Variants in NLRC5 observed in about 807,000 individuals in gnomAD.
NLRC5 encodes the protein NLR family CARD domain containing 5, also known as protein NLRC5.
A neutral mutation model predicts 206.9 loss-of-function variants in NLRC5; 114 were observed. The observed-to-expected ratio is 0.55, with a 90% CI of 0.47 to 0.64. NLRC5 has a LOEUF of 0.64. Ranked by LOEUF, NLRC5 falls within the 30% of genes least tolerant of loss-of-function variation. The pLI, the probability that NLRC5 is intolerant of heterozygous loss-of-function variation, is 0.00. For synonymous variants in NLRC5, 952 were observed against 962.8 expected (o/e 0.99, Z 0.21); for missense variants, 2,008 against 2,305.5 (o/e 0.87, Z 2.64).
In NLRC5 at chr16:57,037,317, C is replaced by G. The variant is rs758847447; in HGVS notation, c.2801+33C>G. The G allele has an allele frequency of 3.2e-5, 49 of 1,534,834 alleles. No homozygotes were observed. The South Asian group carries it at 5.3e-4, about 16-fold the overall frequency. On this transcript the variant is annotated intron_variant, in intron 15 of 48. Transcript: ENST00000688547. ...CTCCCTCAGACCACGGTACCCATCC[C>G]CCCCCCCATCATGCTCTCTCTGAAG...
intron 20 of NLRC5, chr16:57,045,155 C>T (rs996052876): frequency 5.4e-5 from 20 of 368,934 alleles, no homozygotes; most frequent in African/African-American, 4.0e-4. Context: ...TGCAGTGAGC[C>T]ATGACTGCAC....
intron 18 of NLRC5, 94 bp downstream of exon 18, chr16:57,041,668 C>A: frequency 1.0e-6 from 1 of 991,074 alleles, no homozygotes; most frequent in Non-Finnish European, 1.6e-6. Context: ...TTTAGATCAA[C>A]TGTTCTTTCC....
intron 1 of NLRC5, among the ~76,000 whole-genome samples, chr16:57,006,281 G>C (rs776674901): frequency 3.3e-5 from 5 of 151,964 alleles, no homozygotes; most frequent in Admixed American, 6.6e-5. Context: ...TTACAGGCAT[G>C]AGCCACCATA....
chr16:57,022,216 G>C (rs376012260), intron 3 of NLRC5, 40 bp from the exon 4 acceptor site: 1 of 1,569,368 alleles, frequency 6.4e-7, no homozygotes, highest in South Asian at 1.1e-5. Flanking sequence ...AGCATCCCTC[G>C]ACAGCCCCAT....
At chr16:56,991,852 CA>C in intron 1 of NLRC5, 1 of 152,228 alleles carries the variant, frequency 6.6e-6, no homozygotes, top group East Asian at 1.9e-4. Flanking sequence ...TGTGCCTCCC[CA>C]CAAAAGATAT....
intron 27 of NLRC5, 73 bp downstream of exon 27, chr16:57,055,592 G>A: frequency 4.1e-6 from 5 of 1,222,008 alleles, no homozygotes; most frequent in Non-Finnish European, 6.0e-6. Flanking sequence ...GGGTATGAGG[G>A]TCCGTGTGTG....
At position 57,027,153 on chromosome 16, in the gene NLRC5, G is replaced by A. The variant is rs141110269; in HGVS notation, c.2075+135G>A. 5.6e-6 allele frequency: 6 copies of A among 1,075,054 alleles called. No individual in the cohort carries two copies. The South Asian group carries it at 8.2e-5, about 15-fold the overall frequency. 66.6% of individuals were successfully genotyped at this position (1,075,054 alleles called of 1,614,324 possible). The stretch of plus-strand genomic sequence containing the variant: ...CAGAACATAATGGCCTGCAATGCAA[G>A]AGAGGAAGCTCCATACCTTGACAGG... On this transcript the variant is annotated intron_variant, in intron 6 of 48. Coordinates refer to ENST00000688547, the MANE Select transcript of NLRC5 (RefSeq NM_001384950.1).
intron 38 of NLRC5, among the ~76,000 whole-genome samples, chr16:57,072,014 G>A (rs1453690938): frequency 6.6e-6 from 1 of 152,078 alleles, no homozygotes; most frequent in Non-Finnish European, 1.5e-5. Flanking sequence ...AAGAACCTTG[G>A]TCATAGGAAA....
At chr16:57,043,724 C>A in intron 20 of NLRC5, 120 bp downstream of exon 20, 1 of 788,744 alleles carries the variant, frequency 1.3e-6, no homozygotes, top group Non-Finnish European at 2.3e-6. Context: ...GCACCTTGGG[C>A]AGTACCAGAT....
At chr16:57,074,818 C>T (rs2068160604) in intron 39 of NLRC5, 135 bp downstream of exon 39, 1 of 808,096 alleles carries the variant, frequency 1.2e-6, no homozygotes, top group Admixed American at 2.0e-5. Flanking sequence ...ATCCCTGTGC[C>T]CTCCCAGGTG....
Position 57,060,024 on chromosome 16 carries a change from G to A in NLRC5, c.3986+492G>A, listed in dbSNP as rs1030944066. On this transcript the variant is annotated intron_variant, in intron 30 of 48. Coordinates refer to ENST00000688547, the MANE Select transcript of NLRC5 (RefSeq NM_001384950.1). ...AGTGCTGTCAGCAGTTATTGTAACT[G>A]TTATTATTATTATTATTATTATTAT... Among the ~76,000 whole-genome samples the A allele has an allele frequency of 3.5e-5, 5 of 144,884 alleles. No individual in the cohort carries two copies. The East Asian group carries it at 7.9e-4, about 23-fold the overall frequency.
intron 5 of NLRC5, among the ~76,000 whole-genome samples, chr16:57,024,880 T>G (rs2061107665): frequency 6.6e-6 from 1 of 152,000 alleles, no homozygotes; most frequent in Non-Finnish European, 1.5e-5. Flanking sequence ...TGTGGTGGTG[T>G]GCACCTGTAG....
chr16:57,045,860 C>T (rs2063884528), intron 21 of NLRC5, among the ~76,000 whole-genome samples: 1 of 152,242 alleles, frequency 6.6e-6, no homozygotes, highest in Non-Finnish European at 1.5e-5. Context: ...CATGTCACTG[C>T]CCTTTCACGC....
Position 57,026,934 on chromosome 16 carries a change from C to T in NLRC5, c.1991C>T (p.Pro664Leu). 1.2e-6 allele frequency: 2 copies of T among 1,614,174 alleles called. No homozygotes were observed. Among genetic ancestry groups the T allele is most frequent in the Middle Eastern group, 1.6e-4 (1 of 6,062 alleles). Residue 664 changes from proline to leucine, a missense_variant, in exon 6 of 49, where the codon CCC becomes CTC. Transcript: ENST00000688547. ...LTNILEHREAPIHLDFDGCPL... is the reference protein window; with the variant it reads ...LTNILEHREALIHLDFDGCPL... ...AACATCCTAGAGCACAGGGAGGCCC[C>T]CATCCACCTGGATTTTGATGGCTGT...
chr16:57,046,955 T>C (rs2064062211), intron 22 of NLRC5, among the ~76,000 whole-genome samples: 1 of 152,136 alleles, frequency 6.6e-6, no homozygotes, highest in Non-Finnish European at 1.5e-5. Flanking sequence ...ACACCCACTT[T>C]CCAGAAAGAA....
chr16:57,039,964 G>A (rs564461816), intron 16 of NLRC5, 115 bp downstream of exon 16: 446 of 898,786 alleles, frequency 5.0e-4, no homozygotes, highest in Middle Eastern at 1.2e-3. Flanking sequence ...ACAAATTCAC[G>A]GAAGAGCGGG....
At chr16:57,016,768 C>T (rs2060141904) in intron 1 of NLRC5, among the ~76,000 whole-genome samples, 1 of 152,126 alleles carries the variant, frequency 6.6e-6, no homozygotes, top group South Asian at 2.1e-4. Flanking sequence ...ACTTGCAGGG[C>T]TCATTGTGAT....
chr16:57,037,406 C>A, intron 15 of NLRC5, 122 bp downstream of exon 15: 1 of 865,448 alleles, frequency 1.2e-6, no homozygotes, highest in Non-Finnish European at 1.9e-6. Context: ...CTGTCCCACC[C>A]AGACCCCGTT....
chr16:57,058,614 A>C (rs1271777503), intron 28 of NLRC5: 2 of 343,774 alleles, frequency 5.8e-6, no homozygotes, highest in Non-Finnish European at 5.5e-6. Context: ...GACCTGCTGG[A>C]GTGACAGCCA....
Sources: allele counts gnomAD v4.1 joint callset (sites outside exome capture counted in the v4.1 genomes callset), GRCh38; gene constraint gnomAD v4.1.1; transcripts MANE v1.5; gene names NCBI Gene and HGNC (gene_info 2026-07-23, HGNC 2026-07-21).